The following PLEKHG2 variants were observed in gnomAD, a reference collection of about 807,000 sequenced individuals.
The protein encoded by PLEKHG2 is pleckstrin homology and RhoGEF domain containing G2.
PLEKHG2 carries 71 observed loss-of-function variants against 104.4 expected under a neutral mutation model. The observed-to-expected ratio is 0.68, with a 90% CI of 0.56 to 0.83. The LOEUF (loss-of-function observed/expected upper bound fraction) is 0.83. Ranked by LOEUF, PLEKHG2 falls within the 40% of genes least tolerant of loss-of-function variation. PLEKHG2 has a pLI of 0.00. For synonymous variants in PLEKHG2, 728 were observed against 737.0 expected (o/e 0.99, Z 0.20); for missense variants, 1,730 against 1,809.4 (o/e 0.96, Z 0.80).
At position 39,413,418 on chromosome 19, in the gene PLEKHG2, G is replaced by C. The variant is rs541322319; in HGVS notation, c.-23+6G>C. Reference sequence around the variant, plus strand: ...GGCTGGAGGCTCCCCGGGAGGTGAGGGGGGAGGCGAGGGGCCCAGGCGGAC... The same window carrying C: ...GGCTGGAGGCTCCCCGGGAGGTGAGCGGGGAGGCGAGGGGCCCAGGCGGAC... On this transcript the variant is annotated splice_donor_region_variant and intron_variant, in intron 1 of 18. Coordinates refer to ENST00000425673, the MANE Select transcript of PLEKHG2 (RefSeq NM_022835.3). This position sits in a 1 kb window ranked among gnomAD's most constrained non-coding sequence, Gnocchi z 4.5. 2 of 152,334 alleles carry C rather than the reference G, an allele frequency of 1.3e-5. No homozygotes were observed. Among genetic ancestry groups the C allele is most frequent in the East Asian group, 1.9e-4 (1 of 5,172 alleles). 9.4% of individuals were successfully genotyped at this position (152,334 alleles called of 1,614,324 possible). A position where few individuals can be genotyped will look rare whatever the true frequency, so the allele number is the denominator to read the frequency against.
rs1017309218 is a variant in PLEKHG2, at chr19:39,412,707, C to T, written c.-728C>T. The T allele has an allele frequency of 1.3e-5, 2 of 152,232 alleles. No individual in the cohort carries two copies. The highest frequency in any genetic ancestry group is 6.5e-5 in the Admixed American group (1 of 15,286). The allele number at this position is 152,232 out of a possible 1,614,324, so 9.4% of individuals were successfully genotyped here. A position where few individuals can be genotyped will look rare whatever the true frequency, so the allele number is the denominator to read the frequency against. On this transcript the variant is annotated 5_prime_UTR_variant, in exon 1 of 19. Coordinates refer to ENST00000425673, the MANE Select transcript of PLEKHG2 (RefSeq NM_022835.3). ...CCGCCGTCACACGAGCCCCGTGACA[C>T]CCAGCCGGGAGCCCGAGGGGTCCAG...
rs779820131 is a variant in PLEKHG2, at chr19:39,418,706, A to G, written c.1084-28A>G. 6.9e-6 allele frequency: 11 copies of G among 1,586,826 alleles called. No individual in the cohort carries two copies. In the East Asian group the frequency reaches 2.5e-4, roughly 36 times the overall value. On this transcript the variant is annotated intron_variant, in intron 9 of 18. Coordinates refer to ENST00000425673, the MANE Select transcript of PLEKHG2 (RefSeq NM_022835.3). Reference sequence around the variant, plus strand: ...GGCATCACTGAGCCCAAGGACTCTGAGCTTGCTACCCCTCTCTTTCCTTCC... The same window carrying G: ...GGCATCACTGAGCCCAAGGACTCTGGGCTTGCTACCCCTCTCTTTCCTTCC...
intron 11 of PLEKHG2, 113 bp downstream of exon 11, chr19:39,419,116 TA>T: frequency 1.0e-6 from 1 of 975,390 alleles, no homozygotes; most frequent in Non-Finnish European, 1.5e-6. Flanking sequence ...ATGTGATTGC[TA>T]AAAGTGCAGA....
Position 39,420,648 on chromosome 19 carries a change from A to C in PLEKHG2, c.1286A>C (p.Asn429Thr), listed in dbSNP as rs967251650. ...PAKAKQVLLE[N>T]SLHCAPKSKP... ...CAGGCAAAGCAAGTTCTCCTTGAAAACAGCCTGCATTGTGAGTTGGGGCCT... is the reference window on the plus strand; with the variant it reads ...CAGGCAAAGCAAGTTCTCCTTGAAACCAGCCTGCATTGTGAGTTGGGGCCT... The change falls in exon 12 of 19, where the codon AAC (asparagine) becomes ACC (threonine). Residue 429 changes from asparagine to threonine, a missense_variant. By Grantham distance (65) the Asn-to-Thr change is moderately conservative. Transcript: ENST00000425673. 1.2e-6 allele frequency: 2 copies of C among 1,613,900 alleles called. No individual in the cohort carries two copies. Among genetic ancestry groups the C allele is most frequent in the African/African-American group, 2.7e-5 (2 of 74,882 alleles).
chr19:39,417,743 GCCTTGGGGC>G, intron 8 of PLEKHG2, 51 bp downstream of exon 8: 1 of 1,491,394 alleles, frequency 6.7e-7, no homozygotes, highest in Non-Finnish European at 9.1e-7. Context: ...GAGCGAGGGG[GCCTTGGGGC>G]GGGTGGGGGG....
rs139773941 is a variant in PLEKHG2, at chr19:39,424,341, G to A, written c.3208G>A (p.Val1070Ile). ...GSRDVQGPDP[V>I]CSQPIQPLSW... ...CAGGGATGTTCAGGGCCCAGACCCT[G>A]TCTGCAGTCAACCCATCCAGCCTTT... The change falls in exon 19 of 19, where the codon GTC becomes ATC. Residue 1070 changes from valine (V) to isoleucine (I), a missense_variant. By Grantham distance (29) the Val-to-Ile change is conservative. Coordinates refer to ENST00000425673, the MANE Select transcript of PLEKHG2 (RefSeq NM_022835.3). 11 of 1,614,026 alleles carry A rather than the reference G, an allele frequency of 6.8e-6. No individual in the cohort carries two copies. The highest frequency in any genetic ancestry group is 9.3e-6 in the Non-Finnish European group (11 of 1,180,028).
Position 39,424,394 on chromosome 19 carries a change from C to G in PLEKHG2, c.3261C>G (p.Pro1087=). Residue 1087 remains proline, a synonymous_variant, in exon 19 of 19, where the codon CCC becomes CCG. Coordinates refer to ENST00000425673, the MANE Select transcript of PLEKHG2 (RefSeq NM_022835.3). ...CTTGGCATGGAAGCAGCCTGGATCC[C>G]CAGGGCCCAGGCGACACCCTACCAC... ...PLSWHGSSLD[P]QGPGDTLPPL... The G allele has an allele frequency of 2.5e-6, 4 of 1,614,086 alleles. No individual in the cohort carries two copies. In the East Asian group the frequency reaches 6.7e-5, roughly 27 times the overall value.
intron 8 of PLEKHG2, 70 bp downstream of exon 8, chr19:39,417,762 G>GC: frequency 1.3e-6 from 2 of 1,539,022 alleles, no homozygotes; most frequent in Non-Finnish European, 8.7e-7. Context: ...CGGGTGGGGG[G>GC]AAATCAGTGC....
In PLEKHG2 at chr19:39,423,827, G is replaced by GACCCAGCT. The variant is rs756327327; in HGVS notation, c.2694_2695insACCCAGCT (p.Val899ThrfsTer150). Reference sequence around the variant, plus strand: ...CTGTCCCCCTGGGTCCTGCTGTCTGGGTTCAAGCTGCCATACCTTTGTCAA... The same window carrying GACCCAGCT: ...CTGTCCCCCTGGGTCCTGCTGTCTGGACCCAGCTGTTCAAGCTGCCATACCTTTGTCAA... On this transcript the variant is annotated frameshift_variant, in exon 19 of 19. Coordinates refer to ENST00000425673, the MANE Select transcript of PLEKHG2 (RefSeq NM_022835.3). LOFTEE classifies it low-confidence loss of function (END_TRUNC). 6.2e-7 allele frequency: 1 copy of GACCCAGCT among 1,614,186 alleles called. No homozygotes were observed. Among genetic ancestry groups the GACCCAGCT allele is most frequent in the Non-Finnish European group, 8.5e-7 (1 of 1,180,042 alleles).
chr19:39,423,007 C>A lies in PLEKHG2; in HGVS notation c.1953C>A (p.Pro651=). Residue 651 remains proline, a synonymous_variant, in exon 18 of 19, where the codon CCC becomes CCA. Coordinates refer to ENST00000425673, the MANE Select transcript of PLEKHG2 (RefSeq NM_022835.3). ...AAATTCCCAGCCGCTGTGAAATTCCCGAAGGTTCTCGCCTTCCTAGTCTCT... is the reference window on the plus strand; with the variant it reads ...AAATTCCCAGCCGCTGTGAAATTCCAGAAGGTTCTCGCCTTCCTAGTCTCT... ...LPEIPSRCEI[P]EGSRLPSLSD... is the part of the protein sequence containing the mutation. 1 of 1,614,156 alleles carries A rather than the reference C, an allele frequency of 6.2e-7. No individual in the cohort carries two copies. The highest frequency in any genetic ancestry group is 8.5e-7 in the Non-Finnish European group (1 of 1,180,018).
rs770390692 is a variant in PLEKHG2 at position 39,420,807 on chromosome 19, C to T, written c.1354C>T (p.Arg452Ter). ...EPLTPPLGSP[R>*]PRDARSFTPG... is the part of the protein sequence containing the mutation. Reference sequence around the variant, plus strand: ...CCTGACACCCCCACTTGGGTCTCCTCGACCTCGAGATGCTAGAAGTTTTAC... The same window carrying T: ...CCTGACACCCCCACTTGGGTCTCCTTGACCTCGAGATGCTAGAAGTTTTAC... The change falls in exon 13 of 19, where the codon CGA becomes TGA. Residue 452 changes from arginine (R) to a stop codon, truncating the protein, a stop_gained. Coordinates refer to ENST00000425673, the MANE Select transcript of PLEKHG2 (RefSeq NM_022835.3). LOFTEE classifies it high-confidence loss of function. 17 of 1,614,026 alleles carry T rather than the reference C, an allele frequency of 1.1e-5. No homozygotes were observed. The highest frequency in any genetic ancestry group is 7.6e-6 in the Non-Finnish European group (9 of 1,180,022).
intron 2 of PLEKHG2, 174 bp downstream of exon 2, chr19:39,414,369 A>G: frequency 1.6e-6 from 1 of 638,406 alleles, no homozygotes; most frequent in Non-Finnish European, 2.7e-6. Context: ...CGCTGGGCAG[A>G]GTGGTCAGGG....
rs1290054523 is a variant in PLEKHG2 at position 39,416,670 on chromosome 19, C to G, written c.593+73C>G. On this transcript the variant is annotated intron_variant, in intron 6 of 18. Transcript: ENST00000425673. This position sits in a 1 kb window ranked among gnomAD's most constrained non-coding sequence, Gnocchi z 4.5. ...GATGTGCCAGTCACCCGTCACCCTC[C>G]CTCTACCCCCGACCCATCCAGCACC... 1.9e-6 allele frequency: 3 copies of G among 1,579,374 alleles called. No homozygotes were observed. The highest frequency in any genetic ancestry group is 2.6e-6 in the Non-Finnish European group (3 of 1,151,536).
rs113103362 is a variant in PLEKHG2 at position 39,421,942 on chromosome 19, G to A, written c.1504-173G>A. On this transcript the variant is annotated intron_variant, in intron 16 of 18. Coordinates refer to ENST00000425673, the MANE Select transcript of PLEKHG2 (RefSeq NM_022835.3). ...TGAGGCAGCAGAATCGCTTGAACCCGGGAGGCGGAGATTGCAGTGAGCAGA... is the reference window on the plus strand; with the variant it reads ...TGAGGCAGCAGAATCGCTTGAACCCAGGAGGCGGAGATTGCAGTGAGCAGA... 1.3e-3 allele frequency: 717 copies of A among 540,868 alleles called. 2 individuals carry two copies. Among genetic ancestry groups the A allele is most frequent in the Non-Finnish European group, 1.7e-3 (584 of 338,810 alleles). 33.5% of individuals were successfully genotyped at this position (540,868 alleles called of 1,614,324 possible). A position where few individuals can be genotyped will look rare whatever the true frequency, so the allele number is the denominator to read the frequency against.
chr19:39,419,060 T>G, intron 11 of PLEKHG2, 57 bp downstream of exon 11: 1 of 1,481,348 alleles, frequency 6.8e-7, no homozygotes, highest in Non-Finnish European at 9.1e-7. Flanking sequence ...CCTCCCCCAA[T>G]AGTACTAAGA....
Position 39,414,978 on chromosome 19 carries a change from C to A in PLEKHG2, c.110-14C>A. ...GGGGAGATTTCTCTGACCTCCTGTT[C>A]CACACCCCAGCAGCTCCTGCAGCCC... On this transcript the variant is annotated splice_polypyrimidine_tract_variant and intron_variant, in intron 2 of 18. Transcript: ENST00000425673. 1 of 1,578,548 alleles carries A rather than the reference C, an allele frequency of 6.3e-7. No individual in the cohort carries two copies. Among genetic ancestry groups the A allele is most frequent in the East Asian group, 2.3e-5 (1 of 43,932 alleles).
chr19:39,420,274 G>A (rs946814497), intron 11 of PLEKHG2, among the ~76,000 whole-genome samples: 8 of 151,456 alleles, frequency 5.3e-5, no homozygotes, highest in East Asian at 3.9e-4. Context: ...CAGGAGAATC[G>A]CTTGAACCCA....
rs921328789 is a variant in PLEKHG2 at position 39,416,887 on chromosome 19, C to A, written c.631C>A (p.Pro211Thr). The change falls in exon 7 of 19, where the codon CCA (proline) becomes ACA (threonine). Residue 211 changes from proline to threonine, a missense_variant. Coordinates refer to ENST00000425673, the MANE Select transcript of PLEKHG2 (RefSeq NM_022835.3). This position sits in a 1 kb window ranked among gnomAD's most constrained non-coding sequence, Gnocchi z 4.5. ...ALLRELSLSP[P>T]AALWLQERQA... ...GCTCCGGGAGCTGTCGTTGTCTCCG[C>A]CAGCAGCCCTGTGGCTGCAGGAGCG... 1.2e-6 allele frequency: 2 copies of A among 1,612,054 alleles called. No homozygotes were observed. Among genetic ancestry groups the A allele is most frequent in the African/African-American group, 2.7e-5 (2 of 74,896 alleles).
rs1378876202 is a variant in PLEKHG2, at chr19:39,415,387, G to A, written c.427G>A (p.Glu143Lys). 6.2e-7 allele frequency: 1 copy of A among 1,614,036 alleles called. No homozygotes were observed. Among genetic ancestry groups the A allele is most frequent in the African/African-American group, 1.3e-5 (1 of 74,928 alleles). The change falls in exon 4 of 19, where the codon GAG (glutamate) becomes AAG (lysine). Residue 143 changes from glutamate to lysine, a missense_variant. Glu to Lys is a moderately conservative substitution (Grantham distance 56, BLOSUM62 1). Coordinates refer to ENST00000425673, the MANE Select transcript of PLEKHG2 (RefSeq NM_022835.3). The surrounding 1 kb of genome is among the most constrained non-coding windows in gnomAD (Gnocchi z 4.6). ...LDGGVLGLSV[E>K]QVGTLFANIE... The stretch of plus-strand genomic sequence containing the variant: ...CGGCGGGGTCCTGGGGCTGAGCGTG[G>A]AGCAGGTGGGCACGCTGTTTGCCAA...
Sources: gnomAD v4.1 joint callset for allele counts (sites outside exome capture counted in the v4.1 genomes callset) on GRCh38, gnomAD v4.1.1 for gene constraint, Gnocchi (gnomAD v3.1) non-coding constraint, MANE v1.5 for transcripts, NCBI Gene and HGNC (gene_info 2026-07-23, HGNC 2026-07-21) for gene names.